USP34: variants seen among roughly 807,000 people sequenced by gnomAD.
USP34 encodes ubiquitin carboxyl-terminal hydrolase 34.
USP34 carries 70 observed loss-of-function variants against 460.3 expected under a neutral mutation model. The observed-to-expected ratio is 0.15, with a 90% confidence interval of 0.13 to 0.19. The LOEUF (loss-of-function observed/expected upper bound fraction) is 0.19. Among genes scored for constraint, USP34 ranks in the 10% least tolerant of loss-of-function variants. USP34 has a pLI of 1.00. For synonymous variants in USP34, 1,647 were observed against 1,405.3 expected (o/e 1.17, Z -3.85); for missense variants, 3,985 against 4,236.2 (o/e 0.94, Z 1.65).
chr2:61,456,619 C>A (rs183445766), intron 1 of USP34, among the ~76,000 whole-genome samples: 2 of 152,000 alleles, frequency 1.3e-5, no homozygotes, highest in Admixed American at 6.6e-5. Context: ...GAGTTGGAGA[C>A]CAGCCTGGGA....
intron 71 of USP34, 22 bp from the exon 72 acceptor site, chr2:61,206,146 T>A: frequency 6.3e-7 from 1 of 1,587,500 alleles, no homozygotes; most frequent in East Asian, 2.2e-5. Context: ...AAAGCACATA[T>A]AAATATGCCA....
At chr2:61,439,926 A>T (rs960164023) in intron 1 of USP34, among the ~76,000 whole-genome samples, 1 of 152,142 alleles carries the variant, frequency 6.6e-6, no homozygotes, top group East Asian at 1.9e-4. Flanking sequence ...CTGCTGGGCC[A>T]ACAGGGTACA....
In USP34 at chr2:61,265,463, G is replaced by A. The variant is rs756705107; in HGVS notation, c.5712C>T (p.Tyr1904=). ...AAAGTTGCTGAATAGTAGAAGCTAA[G>A]TAACAAGTAGCTCCAAGGTTAGTAA... ...VGLTNLGATC[Y]LASTIQQLYM... Residue 1904 remains tyrosine (Y), a synonymous_variant, in exon 43 of 80, where the codon TAC becomes TAT. Coordinates refer to ENST00000398571, the MANE Select transcript of USP34 (RefSeq NM_014709.4). The A allele has an allele frequency of 8.7e-6, 14 of 1,613,542 alleles. No individual in the cohort carries two copies. Among genetic ancestry groups the A allele is most frequent in the Non-Finnish European group, 1.1e-5 (13 of 1,179,822 alleles).
At chr2:61,393,402 G>A (rs990395067) in intron 5 of USP34, among the ~76,000 whole-genome samples, 1 of 146,834 alleles carries the variant, frequency 6.8e-6, no homozygotes, top group South Asian at 2.2e-4. Flanking sequence ...CTGCACTCCA[G>A]CCTGGGCAAC....
intron 10 of USP34, among the ~76,000 whole-genome samples, chr2:61,358,293 T>C (rs1310039535): frequency 1.3e-5 from 2 of 151,922 alleles, no homozygotes; most frequent in African/African-American, 4.8e-5. Context: ...TGACAACCCT[T>C]TAGCTAGACT....
At position 61,265,559 on chromosome 2, in the gene USP34, T is replaced by C; in HGVS notation, c.5618-2A>G. 6.3e-7 allele frequency: 1 copy of C among 1,581,342 alleles called. No individual in the cohort carries two copies. The highest frequency in any genetic ancestry group is 8.6e-7 in the Non-Finnish European group (1 of 1,160,686). Reference sequence around the variant, plus strand: ...AATCCCATTTATAAGGTGCATGGGCTGCTGAAGAAAGAGGGAGGAAAAGAT... The same window carrying C: ...AATCCCATTTATAAGGTGCATGGGCCGCTGAAGAAAGAGGGAGGAAAAGAT... On this transcript the variant is annotated splice_acceptor_variant, in intron 42 of 79. Coordinates refer to ENST00000398571, the MANE Select transcript of USP34 (RefSeq NM_014709.4). LOFTEE classifies it high-confidence loss of function.
chr2:61,211,823 C>T lies in USP34; in HGVS notation c.8789G>A (p.Ser2930Asn), dbSNP rs1211986722. The change falls in exon 69 of 80, where the codon AGT becomes AAT. Residue 2930 changes from serine to asparagine, a missense_variant. Physicochemically the swap from Ser to Asn is conservative, Grantham distance 46. This residue lies in a region of USP34 where 275 missense variants were observed against 292.7 expected (regional missense o/e 0.94). Coordinates refer to ENST00000398571, the MANE Select transcript of USP34 (RefSeq NM_014709.4). Reference sequence around the variant, plus strand: ...GCCATCTAAGCAACGTAAGTAACAACTTATGGTTGTTTTCTTGAACTGTTT... The same window carrying T: ...GCCATCTAAGCAACGTAAGTAACAATTTATGGTTGTTTTCTTGAACTGTTT... The part of the protein sequence containing the change: ...DIKQFKKTTI[S>N]CYLRCLDGRS... The T allele has an allele frequency of 6.2e-7, 1 of 1,606,230 alleles. No individual in the cohort carries two copies. Among genetic ancestry groups the T allele is most frequent in the East Asian group, 2.3e-5 (1 of 44,182 alleles).
intron 1 of USP34, among the ~76,000 whole-genome samples, chr2:61,449,514 A>AC (rs910819755): frequency 2.0e-5 from 3 of 151,930 alleles, no homozygotes; most frequent in African/African-American, 7.3e-5. Context: ...ATTTTGAAAA[A>AC]AAAAACAAAA....
rs1174023333 is a variant in USP34 at position 61,366,487 on chromosome 2, C to T, written c.1251+3834G>A. On this transcript the variant is annotated intron_variant, in intron 10 of 79. Coordinates refer to ENST00000398571, the MANE Select transcript of USP34 (RefSeq NM_014709.4). The stretch of plus-strand genomic sequence containing the variant: ...AGCAGCCAACATATAGGTAACCCAT[C>T]CACCAGAGATCTTCCCTGGGGGAGA... 5.3e-5 allele frequency among the ~76,000 whole-genome samples: 8 copies of T among 152,232 alleles called. No individual in the cohort carries two copies. The East Asian group carries it at 1.5e-3, about 29-fold the overall frequency.
chr2:61,470,796 C>G lies in USP34; in HGVS notation c.-104G>C. Reference sequence around the variant, plus strand: ...GCGGAGGAGGGGGCCGGCCGGCCGGCGGGGCGGGGAGGCGACTAGGGCGGG... The same window carrying G: ...GCGGAGGAGGGGGCCGGCCGGCCGGGGGGGCGGGGAGGCGACTAGGGCGGG... On this transcript the variant is annotated 5_prime_UTR_variant, in exon 1 of 80. Transcript: ENST00000398571. 1.7e-6 allele frequency: 1 copy of G among 590,184 alleles called. No homozygotes were observed. Among genetic ancestry groups the G allele is most frequent in the Non-Finnish European group, 2.4e-6 (1 of 415,754 alleles). The allele number at this position is 590,184 out of a possible 1,614,324, so 36.6% of individuals were successfully genotyped here.
intron 3 of USP34, among the ~76,000 whole-genome samples, chr2:61,396,590 G>A (rs890712359): frequency 6.6e-6 from 1 of 151,624 alleles, no homozygotes; most frequent in Non-Finnish European, 1.5e-5. Flanking sequence ...CTGGGTTCAC[G>A]CCATTCTCCT....
chr2:61,234,117 G>T (rs1211665086), intron 57 of USP34, among the ~76,000 whole-genome samples: 1 of 152,138 alleles, frequency 6.6e-6, no homozygotes, highest in Non-Finnish European at 1.5e-5. Context: ...TTCTACTTTT[G>T]TCCATGTTTC....
intron 29 of USP34, 38 bp from the exon 30 acceptor site, chr2:61,296,963 C>A: frequency 6.4e-7 from 1 of 1,556,396 alleles, no homozygotes; most frequent in South Asian, 1.2e-5. Flanking sequence ...CAAAACAGAT[C>A]AGAAAAGAAA....
chr2:61,406,137 GA>G lies in USP34; in HGVS notation c.132-10del, dbSNP rs757172015. 22 of 1,504,180 alleles carry G rather than the reference GA, an allele frequency of 1.5e-5. No individual in the cohort carries two copies. Among genetic ancestry groups the G allele is most frequent in the Admixed American group, 2.4e-5 (1 of 41,152 alleles). The allele number at this position is 1,504,180 out of a possible 1,614,324, so 93.2% of individuals were successfully genotyped here. A position where few individuals can be genotyped will look rare whatever the true frequency, so the allele number is the denominator to read the frequency against. ...AGCAGCATAGACATTGCCTATAAGAGAAAAAAAATTGAATAAATTAGTAATA... is the reference window on the plus strand; with the variant it reads ...AGCAGCATAGACATTGCCTATAAGAGAAAAAAATTGAATAAATTAGTAATA... On this transcript the variant is annotated splice_polypyrimidine_tract_variant and intron_variant, in intron 2 of 79. Coordinates refer to ENST00000398571, the MANE Select transcript of USP34 (RefSeq NM_014709.4).
chr2:61,245,178 C>T (rs756170581), intron 51 of USP34, 32 bp downstream of exon 51: 3 of 1,566,786 alleles, frequency 1.9e-6, no homozygotes, highest in Middle Eastern at 3.4e-4. Flanking sequence ...TGGAAGGACA[C>T]AAACCATTTA....
At chr2:61,216,339 G>A (rs1056567609) in intron 67 of USP34, among the ~76,000 whole-genome samples, 10 of 152,198 alleles carry the variant, frequency 6.6e-5, no homozygotes, top group Admixed American at 1.3e-4. Flanking sequence ...GGTGGCTCAT[G>A]CCTGTAATCC....
chr2:61,406,624 A>C (rs1693878608), intron 2 of USP34, among the ~76,000 whole-genome samples: 1 of 151,572 alleles, frequency 6.6e-6, no homozygotes, highest in South Asian at 2.1e-4. Context: ...AAAAGTGTTT[A>C]GGAACAACAC....
intron 38 of USP34, 96 bp downstream of exon 38, chr2:61,280,994 C>T: frequency 7.5e-7 from 1 of 1,341,504 alleles, no homozygotes; most frequent in Non-Finnish European, 1.0e-6. Context: ...ATACAGTAGT[C>T]AAATGATCAA....
At chr2:61,435,048 A>T (rs527466724) in intron 1 of USP34, among the ~76,000 whole-genome samples, 7 of 152,220 alleles carry the variant, frequency 4.6e-5, no homozygotes, top group South Asian at 2.1e-4. Flanking sequence ...TCACACCTAT[A>T]ATCTCAGCAC....
Sources: gnomAD v4.1 joint callset for allele counts (sites outside exome capture counted in the v4.1 genomes callset) on GRCh38, gnomAD v4.1.1 for gene constraint, gnomAD v4.1.1 regional missense constraint, MANE v1.5 for transcripts, NCBI Gene and HGNC (gene_info 2026-07-23, HGNC 2026-07-21) for gene names.